ME1: variants seen among roughly 807,000 people sequenced by gnomAD.
ME1 encodes NADP-dependent malic enzyme.
In ME1, 74 loss-of-function variants were observed where a neutral mutation model predicts 66.4. The ratio of observed to expected loss-of-function variants is 1.11; its 90% CI spans 0.92 to 1.35. The LOEUF (loss-of-function observed/expected upper bound fraction) is 1.35, where lower values mean the gene tolerates loss of function less well. Among genes scored for constraint, ME1 ranks in the 40% most tolerant of loss-of-function variants. The pLI, the probability that ME1 is intolerant of heterozygous loss-of-function variation, is 0.00. For synonymous variants in ME1, 251 were observed against 235.6 expected (o/e 1.07, Z -0.60); for missense variants, 750 against 694.1 (o/e 1.08, Z -0.90).
At chr6:83,320,553 A>C (rs569473710) in intron 5 of ME1, among the ~76,000 whole-genome samples, 2 of 152,348 alleles carry the variant, frequency 1.3e-5, no homozygotes, top group Admixed American at 6.5e-5. Flanking sequence ...AAAAACTTTA[A>C]ACAATTACTG....
intron 3 of ME1, among the ~76,000 whole-genome samples, chr6:83,396,595 AT>A (rs959802722): frequency 1.2e-3 from 184 of 152,236 alleles, no homozygotes; most frequent in African/African-American, 4.3e-3. Context: ...TTCCAATGAC[AT>A]TTTTTCACAG....
At chr6:83,394,694 C>G (rs899786778) in intron 3 of ME1, among the ~76,000 whole-genome samples, 1 of 152,134 alleles carries the variant, frequency 6.6e-6, no homozygotes, top group Admixed American at 6.5e-5. Flanking sequence ...GTGGTAGATA[C>G]TTTAAACATT....
chr6:83,244,811 G>A (rs1160777246), intron 7 of ME1, among the ~76,000 whole-genome samples: 1 of 151,938 alleles, frequency 6.6e-6, no homozygotes, highest in Non-Finnish European at 1.5e-5. Context: ...ACAGAGGGCA[G>A]AAAAATGTGT....
At chr6:83,402,720 G>A (rs1291965090) in intron 2 of ME1, among the ~76,000 whole-genome samples, 1 of 152,102 alleles carries the variant, frequency 6.6e-6, no homozygotes, top group African/African-American at 2.4e-5. Flanking sequence ...AATTCAAGCA[G>A]GATTACTAGT....
chr6:83,265,462 A>C (rs1360118316), intron 6 of ME1, among the ~76,000 whole-genome samples: 2 of 151,846 alleles, frequency 1.3e-5, no homozygotes, highest in Non-Finnish European at 2.9e-5. Flanking sequence ...ATGCCTGGCT[A>C]ATTTTTCTTT....
At chr6:83,340,310 A>G (rs1768554119) in intron 5 of ME1, among the ~76,000 whole-genome samples, 1 of 152,198 alleles carries the variant, frequency 6.6e-6, no homozygotes, top group Non-Finnish European at 1.5e-5. Flanking sequence ...AAAAAAGAAA[A>G]CAGCAGTGAT....
At chr6:83,423,350 T>TA (rs1770307959) in intron 1 of ME1, among the ~76,000 whole-genome samples, 1 of 152,038 alleles carries the variant, frequency 6.6e-6, no homozygotes, top group Admixed American at 6.6e-5. Flanking sequence ...AAAAAAATGT[T>TA]AGAGGACATT....
Position 83,357,927 on chromosome 6 carries a change from CTCTCTCTCTATATATATATA to C in ME1, c.363-5808_363-5789del, listed in dbSNP as rs1285140913. ...CCTCTCTCTCTCTCTCTCTCTCTCT[CTCTCTCTCTATATATATATA>C]TATATATATATATATATATATATAT... On this transcript the variant is annotated intron_variant, in intron 3 of 13. Transcript: ENST00000369705. Among the ~76,000 whole-genome samples the C allele has an allele frequency of 1.4e-4, 8 of 58,340 alleles. 1 individual carries two copies. In the South Asian group the frequency reaches 4.4e-3, roughly 32 times the overall value. The allele number at this position is 58,340 out of a possible 152,430, so 38.3% of individuals were successfully genotyped here. A position where few individuals can be genotyped will look rare whatever the true frequency, so the allele number is the denominator to read the frequency against.
At chr6:83,352,036 G>T in intron 4 of ME1, 28 bp downstream of exon 4, 2 of 1,479,234 alleles carry the variant, frequency 1.4e-6, no homozygotes, top group Non-Finnish European at 1.8e-6. Context: ...GAAAAAATTT[G>T]CTATAGTGGA....
chr6:83,291,052 C>G (rs1019211580), intron 6 of ME1, among the ~76,000 whole-genome samples: 1 of 152,114 alleles, frequency 6.6e-6, no homozygotes, highest in African/African-American at 2.4e-5. Context: ...CAGTATACCA[C>G]TGAGTCTTGA....
intron 1 of ME1, among the ~76,000 whole-genome samples, chr6:83,429,653 T>C (rs1025347664): frequency 6.6e-6 from 1 of 152,218 alleles, no homozygotes; most frequent in African/African-American, 2.4e-5. Context: ...TGACGGCAGA[T>C]AGCACACAGT....
At chr6:83,238,797 A>ATATATATATAT in intron 8 of ME1, among the ~76,000 whole-genome samples, 1 of 54,344 alleles carries the variant, frequency 1.8e-5, no homozygotes, top group South Asian at 4.1e-4. Flanking sequence ...AGTTTCTTGA[A>ATATATATATAT]AAATATATAT....
At position 83,223,749 on chromosome 6, in the gene ME1, T is replaced by C. The variant is rs766613404; in HGVS notation, c.1449+11A>G. On this transcript the variant is annotated intron_variant, in intron 12 of 13. Coordinates refer to ENST00000369705, the MANE Select transcript of ME1 (RefSeq NM_002395.6). ...TTAAACCCTTGGTAAACTTAGAGGA[T>C]TTTACAATACCTCAGCAGTAGTGAG... 5 of 1,611,678 alleles carry C rather than the reference T, an allele frequency of 3.1e-6. No individual in the cohort carries two copies. The highest frequency in any genetic ancestry group is 4.2e-6 in the Non-Finnish European group (5 of 1,178,414).
At chr6:83,384,663 G>A (rs576712706) in intron 3 of ME1, among the ~76,000 whole-genome samples, 42 of 151,204 alleles carry the variant, frequency 2.8e-4, no homozygotes, top group Middle Eastern at 3.4e-3. Flanking sequence ...TCCTTTTTTC[G>A]TTTTTGTTGC....
At chr6:83,301,718 G>T (rs1191303833) in intron 6 of ME1, among the ~76,000 whole-genome samples, 1 of 152,148 alleles carries the variant, frequency 6.6e-6, no homozygotes, top group Admixed American at 6.5e-5. Context: ...CTGATCATTA[G>T]AGAAATGTAA....
chr6:83,429,892 C>T (rs1379127590), intron 1 of ME1, among the ~76,000 whole-genome samples: 38 of 152,144 alleles, frequency 2.5e-4, no homozygotes, highest in Non-Finnish European at 5.9e-5. Context: ...CATTTTCAGA[C>T]TCCTGAATAA....
At chr6:83,314,580 T>C (rs1265691046) in intron 6 of ME1, among the ~76,000 whole-genome samples, 1 of 152,184 alleles carries the variant, frequency 6.6e-6, no homozygotes, top group Non-Finnish European at 1.5e-5. Flanking sequence ...TTATTTAAAC[T>C]TTTGCATAAA....
At position 83,396,593 on chromosome 6, in the gene ME1, A is replaced by AC. The variant is rs540152393; in HGVS notation, c.362+1773dup. 5.2e-4 allele frequency among the ~76,000 whole-genome samples: 79 copies of AC among 152,298 alleles called. 1 individual carries two copies. Among genetic ancestry groups the AC allele is most frequent in the African/African-American group, 1.8e-3 (73 of 41,562 alleles). On this transcript the variant is annotated intron_variant, in intron 3 of 13. Coordinates refer to ENST00000369705, the MANE Select transcript of ME1 (RefSeq NM_002395.6). Reference sequence around the variant, plus strand: ...TACAATCCCTATCAGAGTTCCAATGACATTTTTTCACAGAAATATAAAAAT... The same window carrying AC: ...TACAATCCCTATCAGAGTTCCAATGACCATTTTTTCACAGAAATATAAAAAT...
intron 6 of ME1, among the ~76,000 whole-genome samples, chr6:83,267,980 C>G (rs1273432022): frequency 6.6e-6 from 1 of 152,082 alleles, no homozygotes; most frequent in Non-Finnish European, 1.5e-5. Flanking sequence ...TTTTCATACT[C>G]CATTAGAGTT....
Sources: gnomAD v4.1 joint callset for allele counts (sites outside exome capture counted in the v4.1 genomes callset) on GRCh38, gnomAD v4.1.1 for gene constraint, MANE v1.5 for transcripts, NCBI Gene and HGNC (gene_info 2026-07-23, HGNC 2026-07-21) for gene names.